Variants in HMG20A observed in about 807,000 individuals in gnomAD.
HMG20A encodes high mobility group 20A.
In HMG20A, 17 loss-of-function variants were observed where a neutral mutation model predicts 43.9. The ratio of observed to expected loss-of-function variants is 0.39; its 90% CI spans 0.27 to 0.58. The LOEUF is 0.58. HMG20A is among the 20% of genes least tolerant of loss of function. The probability of loss-of-function intolerance (pLI) is 0.59; values close to 1 mark genes in which losing one functional copy is unlikely to be tolerated. For synonymous variants in HMG20A, 132 were observed against 147.5 expected (o/e 0.89, Z 0.76); for missense variants, 341 against 438.2 (o/e 0.78, Z 1.98).
In HMG20A at chr15:77,480,120, G is replaced by A. The variant is rs561241761; in HGVS notation, c.*6+799G>A. Among the ~76,000 whole-genome samples, 279 of 151,540 alleles carry A rather than the reference G, an allele frequency of 1.8e-3. 1 individual carries two copies. Among genetic ancestry groups the A allele is most frequent in the African/African-American group, 6.4e-3 (265 of 41,390 alleles). ...AGTCTGGGCAACATGACAAAACCCC[G>A]TATCTACAAAAAATACAAAAAATTA... On this transcript the variant is annotated intron_variant, in intron 9 of 9. Coordinates refer to ENST00000336216, the MANE Select transcript of HMG20A (RefSeq NM_001304504.2).
the HMG20A span, among the ~76,000 whole-genome samples, chr15:77,507,855 C>T: frequency 7.0e-6 from 1 of 143,394 alleles, no homozygotes; most frequent in South Asian, 2.1e-4. Context: ...TTGGAGGAGA[C>T]ATGAGGATGG....
At position 77,481,166 on chromosome 15, in the gene HMG20A, G is replaced by A. The variant is rs138207698; in HGVS notation, c.*7-1804G>A. 9.8e-4 allele frequency among the ~76,000 whole-genome samples: 149 copies of A among 152,224 alleles called. 1 individual carries two copies. The East Asian group carries it at 0.024, about 25-fold the overall frequency. On this transcript the variant is annotated intron_variant, in intron 9 of 9. Coordinates refer to ENST00000336216, the MANE Select transcript of HMG20A (RefSeq NM_001304504.2). ...TACTTCTTGGTGATGCCCTTGGATG[G>A]TAACTGTACAAGGCAATGCATTATA... is the stretch of plus-strand genomic sequence containing the variant.
chr15:77,449,719 C>T (rs779206517), intron 1 of HMG20A, among the ~76,000 whole-genome samples: 2 of 151,732 alleles, frequency 1.3e-5, no homozygotes, highest in Non-Finnish European at 2.9e-5. Flanking sequence ...TATATATTCC[C>T]TGTCCCCCCA....
At chr15:77,450,820 A>T (rs1454313463) in intron 1 of HMG20A, among the ~76,000 whole-genome samples, 1 of 152,212 alleles carries the variant, frequency 6.6e-6, no homozygotes, top group Admixed American at 6.5e-5. Flanking sequence ...TTTTCATACA[A>T]TGAAGGAGAG....
At chr15:77,437,825 C>T (rs529337454) in intron 1 of HMG20A, among the ~76,000 whole-genome samples, 3 of 152,150 alleles carry the variant, frequency 2.0e-5, no homozygotes, top group South Asian at 2.1e-4. Flanking sequence ...CTCCCTGCCT[C>T]GGCCTCCCAA....
intron 1 of HMG20A, among the ~76,000 whole-genome samples, chr15:77,422,129 G>T (rs914709613): frequency 5.3e-5 from 8 of 152,168 alleles, no homozygotes; most frequent in African/African-American, 1.9e-4. Context: ...AGAAGGGTGT[G>T]TGTCTGTGTA....
intron 4 of HMG20A, 115 bp from the exon 5 acceptor site, chr15:77,470,795 C>G (rs1010523284): frequency 7.7e-5 from 65 of 845,888 alleles, no homozygotes; most frequent in Middle Eastern, 7.1e-4. Context: ...AAGGCATATT[C>G]CCTATATTCT....
At chr15:77,442,731 T>C (rs1334378706) in intron 1 of HMG20A, among the ~76,000 whole-genome samples, 1 of 152,222 alleles carries the variant, frequency 6.6e-6, no homozygotes, top group Non-Finnish European at 1.5e-5. Context: ...GGAGTCTTGC[T>C]CTGTCACTCA....
chr15:77,457,849 T>G (rs1390478224), intron 1 of HMG20A, among the ~76,000 whole-genome samples: 1 of 152,240 alleles, frequency 6.6e-6, no homozygotes, highest in Non-Finnish European at 1.5e-5. Context: ...CATCATTTAA[T>G]CTATAGATGA....
At position 77,471,437 on chromosome 15, in the gene HMG20A, C is replaced by T. The variant is rs118107820; in HGVS notation, c.584-346C>T. On this transcript the variant is annotated intron_variant, in intron 5 of 9. Transcript: ENST00000336216. ...ACCATCCACAACTAGCCTATTTTTC[C>T]TTAGCCATTGCATCTTCTCTATACT... 3.9e-5 allele frequency among the ~76,000 whole-genome samples: 6 copies of T among 152,258 alleles called. No individual in the cohort carries two copies. The East Asian group carries it at 1.2e-3, about 29-fold the overall frequency.
In HMG20A at chr15:77,470,152, C is replaced by T. The variant is rs542572969; in HGVS notation, c.451-758C>T. ...GTATCCCCTACATCTGGCTCTTACGCGGGACAAAGTGTTTAACATAATTTC... is the reference window on the plus strand; with the variant it reads ...GTATCCCCTACATCTGGCTCTTACGTGGGACAAAGTGTTTAACATAATTTC... On this transcript the variant is annotated intron_variant, in intron 4 of 9. Coordinates refer to ENST00000336216, the MANE Select transcript of HMG20A (RefSeq NM_001304504.2). Among the ~76,000 whole-genome samples the T allele has an allele frequency of 1.4e-4, 21 of 152,188 alleles. No homozygotes were observed. In the East Asian group the frequency reaches 3.7e-3, roughly 27 times the overall value.
At position 77,443,370 on chromosome 15, in the gene HMG20A, G is replaced by GATT. The variant is rs1491137059; in HGVS notation, c.-4-15032_-4-15031insTAT. Among the ~76,000 whole-genome samples, 395 of 124,754 alleles carry GATT rather than the reference G, an allele frequency of 3.2e-3. 2 individuals are homozygous for GATT. The highest frequency in any genetic ancestry group is 0.012 in the Middle Eastern group (3 of 246). 81.8% of individuals were successfully genotyped at this position (124,754 alleles called of 152,430 possible). ...TATTTTTTATGATGATGATGATGAT[G>GATT]ATGATGATGATTATTATTATTATTA... is the stretch of plus-strand genomic sequence containing the variant. On this transcript the variant is annotated intron_variant, in intron 1 of 9. Transcript: ENST00000336216.
At position 77,431,781 on chromosome 15, in the gene HMG20A, G is replaced by A. The variant is rs547162748; in HGVS notation, c.-5+10777G>A. On this transcript the variant is annotated intron_variant, in intron 1 of 9. Transcript: ENST00000336216. The stretch of plus-strand genomic sequence containing the variant: ...ATCAAACTGAAATTTTGTGTCCTTT[G>A]ACCAACATCTTCCCAGCCCCACCCC... Among the ~76,000 whole-genome samples, 4 of 152,030 alleles carry A rather than the reference G, an allele frequency of 2.6e-5. No homozygotes were observed. In the South Asian group the frequency reaches 8.3e-4, roughly 32 times the overall value.
intron 1 of HMG20A, among the ~76,000 whole-genome samples, chr15:77,432,583 G>A (rs536666301): frequency 1.8e-4 from 28 of 152,030 alleles, no homozygotes; most frequent in East Asian, 1.5e-3. Context: ...TTAGCTGGGC[G>A]TAGTGGCAGG....
the HMG20A span, among the ~76,000 whole-genome samples, chr15:77,500,191 CA>C: frequency 6.6e-6 from 1 of 152,102 alleles, no homozygotes; most frequent in Non-Finnish European, 1.5e-5. Flanking sequence ...TTAAGCCTTA[CA>C]AAAATTCTAT....
intron 1 of HMG20A, among the ~76,000 whole-genome samples, chr15:77,433,444 T>G (rs565307590): frequency 6.6e-6 from 1 of 152,088 alleles, no homozygotes; most frequent in East Asian, 1.9e-4. Flanking sequence ...CCAGTGTTAC[T>G]CAAACTCTTC....
intron 1 of HMG20A, among the ~76,000 whole-genome samples, chr15:77,449,425 A>T (rs1397950747): frequency 6.6e-6 from 1 of 152,188 alleles, no homozygotes; most frequent in Non-Finnish European, 1.5e-5. Context: ...ACTGTAAAAC[A>T]TATTGATTAA....
At chr15:77,514,722 G>GTA in the HMG20A span, among the ~76,000 whole-genome samples, 4 of 152,240 alleles carry the variant, frequency 2.6e-5, no homozygotes, top group African/African-American at 9.6e-5. Flanking sequence ...CTATAGAAGG[G>GTA]GTCTAAGAGG....
the HMG20A span, among the ~76,000 whole-genome samples, chr15:77,509,693 G>A: frequency 2.3e-3 from 344 of 151,334 alleles, no homozygotes; most frequent in African/African-American, 8.0e-3. Context: ...ATCACCTGAG[G>A]TCAGGAGTTT....
Sources: gnomAD v4.1 joint callset for allele counts (sites outside exome capture counted in the v4.1 genomes callset) on GRCh38, gnomAD v4.1.1 for gene constraint, MANE v1.5 for transcripts, NCBI Gene and HGNC (gene_info 2026-07-23, HGNC 2026-07-21) for gene names.